FAR2: variants seen among roughly 807,000 people sequenced by gnomAD.
FAR2 encodes fatty acyl-CoA reductase 2.
Under a neutral mutation model 56.0 loss-of-function variants are expected in FAR2, and 19 were observed. The ratio of observed to expected loss-of-function variants is 0.34; its 90% CI spans 0.24 to 0.50. The LOEUF (loss-of-function observed/expected upper bound fraction) is 0.50. Among genes scored for constraint, FAR2 ranks in the 20% least tolerant of loss-of-function variants. The pLI is 0.98. For missense variants in FAR2, 508 were observed against 642.2 expected, an observed-to-expected ratio of 0.79 and a Z score of 2.26; for synonymous variants, 219 against 218.8, an observed-to-expected ratio of 1.00 and a Z score of -0.01.
chr12:29,197,344 C>A (rs913441438), intron 1 of FAR2, among the ~76,000 whole-genome samples: 1 of 152,120 alleles, frequency 6.6e-6, no homozygotes, highest in Non-Finnish European at 1.5e-5. Flanking sequence ...CTTACACTTA[C>A]AGGAATATGT....
At position 29,168,559 on chromosome 12, in the gene FAR2, T is replaced by A. The variant is rs182610540; in HGVS notation, c.-39+19152T>A. Among the ~76,000 whole-genome samples, 23 of 152,316 alleles carry A rather than the reference T, an allele frequency of 1.5e-4. No homozygotes were observed. The East Asian group carries it at 4.4e-3, about 29-fold the overall frequency. On this transcript the variant is annotated intron_variant, in intron 1 of 11. Transcript: ENST00000536681. Reference sequence around the variant, plus strand: ...TGGTTCCTTCCAGTGGGTTCTTGGTTTTGCTGACTTCAAGAATGAAGCCGC... The same window carrying A: ...TGGTTCCTTCCAGTGGGTTCTTGGTATTGCTGACTTCAAGAATGAAGCCGC...
At chr12:29,149,869 C>T (rs957613364) in intron 1 of FAR2, among the ~76,000 whole-genome samples, 6 of 152,140 alleles carry the variant, frequency 3.9e-5, no homozygotes, top group African/African-American at 1.4e-4. Flanking sequence ...GGCAGCGGTC[C>T]TAGGTCCCCT....
chr12:29,268,346 G>A (rs1948554420), intron 1 of FAR2, among the ~76,000 whole-genome samples: 1 of 152,208 alleles, frequency 6.6e-6, no homozygotes, highest in Non-Finnish European at 1.5e-5. Context: ...GCACTGTTTA[G>A]TTCAAAGCTC....
At chr12:29,282,292 A>C (rs7312068) in intron 2 of FAR2, 2 of 152,114 alleles carry the variant, frequency 1.3e-5, no homozygotes, top group Non-Finnish European at 2.9e-5. Flanking sequence ...AGCCAACTCT[A>C]CTTCTAAAAC....
chr12:29,288,350 T>G (rs954229842), intron 2 of FAR2, among the ~76,000 whole-genome samples: 1 of 152,154 alleles, frequency 6.6e-6, no homozygotes, highest in African/African-American at 2.4e-5. Context: ...TGCCATCAAG[T>G]AGAGAATATG....
At chr12:29,271,237 GA>G (rs897590353) in intron 2 of FAR2, among the ~76,000 whole-genome samples, 6 of 151,562 alleles carry the variant, frequency 4.0e-5, no homozygotes, top group Non-Finnish European at 5.9e-5. Flanking sequence ...TCTCCTCTCG[GA>G]AAAAAAAGAC....
chr12:29,311,814 T>TTTTC, intron 7 of FAR2, 69 bp from the exon 8 acceptor site: 1 of 1,143,772 alleles, frequency 8.7e-7, no homozygotes, highest in Non-Finnish European at 1.3e-6. Context: ...TAAATATTAT[T>TTTTC]TTTCCTTATT....
At chr12:29,211,254 G>C (rs550496880) in intron 1 of FAR2, among the ~76,000 whole-genome samples, 2 of 152,190 alleles carry the variant, frequency 1.3e-5, no homozygotes, top group East Asian at 3.9e-4. Context: ...TCACGCCACT[G>C]CACTCCGGCC....
At chr12:29,314,178 A>C (rs1176099588) in intron 8 of FAR2, among the ~76,000 whole-genome samples, 1 of 152,210 alleles carries the variant, frequency 6.6e-6, no homozygotes, top group East Asian at 1.9e-4. Flanking sequence ...TGTCCTTCAG[A>C]TCAGAAAGAC....
At chr12:29,155,595 G>GA (rs1006464561) in intron 1 of FAR2, among the ~76,000 whole-genome samples, 3 of 152,148 alleles carry the variant, frequency 2.0e-5, no homozygotes, top group South Asian at 2.1e-4. Flanking sequence ...TTAAAACTTA[G>GA]AAAAAATCAA....
chr12:29,207,807 A>T (rs1947492969), intron 1 of FAR2, among the ~76,000 whole-genome samples: 1 of 152,214 alleles, frequency 6.6e-6, no homozygotes, highest in Non-Finnish European at 1.5e-5. Context: ...TGCAGATAAA[A>T]TTCTGTTAGA....
At chr12:29,322,195 T>C (rs1210841102) in intron 10 of FAR2, among the ~76,000 whole-genome samples, 1 of 152,230 alleles carries the variant, frequency 6.6e-6, no homozygotes, top group African/African-American at 2.4e-5. Context: ...TCAATCGTTT[T>C]GTCACTCCTT....
At chr12:29,167,095 G>A (rs148992212) in intron 1 of FAR2, among the ~76,000 whole-genome samples, 4 of 152,084 alleles carry the variant, frequency 2.6e-5, no homozygotes, top group South Asian at 2.1e-4. Flanking sequence ...GCAGTCAGGC[G>A]TTGCTGGAGA....
chr12:29,267,883 A>ATGATC (rs1450862915), intron 1 of FAR2, among the ~76,000 whole-genome samples: 5 of 152,208 alleles, frequency 3.3e-5, no homozygotes, highest in African/African-American at 4.8e-5. Flanking sequence ...GCAGCAGTCT[A>ATGATC]TGATCTTGTT....
intron 1 of FAR2, among the ~76,000 whole-genome samples, chr12:29,197,206 A>T (rs994669353): frequency 1.3e-5 from 2 of 152,202 alleles, no homozygotes; most frequent in African/African-American, 4.8e-5. Flanking sequence ...TTTGTTTCAT[A>T]AGCTACTTAG....
At chr12:29,271,326 A>C (rs1175461720) in intron 2 of FAR2, among the ~76,000 whole-genome samples, 3 of 152,228 alleles carry the variant, frequency 2.0e-5, no homozygotes, top group African/African-American at 7.2e-5. Context: ...ATCTGGGTTC[A>C]AATTCTGGCT....
intron 1 of FAR2, among the ~76,000 whole-genome samples, chr12:29,150,228 G>A (rs1407962333): frequency 6.6e-6 from 1 of 152,188 alleles, no homozygotes; most frequent in Non-Finnish European, 1.5e-5. Context: ...ATGCCCAATC[G>A]TATCCTACAA....
intron 2 of FAR2, among the ~76,000 whole-genome samples, chr12:29,275,564 T>G (rs1948696041): frequency 6.6e-6 from 1 of 152,130 alleles, no homozygotes. Context: ...GTTGAACTAG[T>G]TTACAGTCCC....
At chr12:29,165,623 G>A (rs1176230901) in intron 1 of FAR2, among the ~76,000 whole-genome samples, 2 of 152,204 alleles carry the variant, frequency 1.3e-5, no homozygotes, top group South Asian at 4.1e-4. Flanking sequence ...ATTAAAAGTA[G>A]CATCATATTT....
Sources: gnomAD v4.1 joint callset for allele counts (sites outside exome capture counted in the v4.1 genomes callset) on GRCh38, gnomAD v4.1.1 for gene constraint, MANE v1.5 for transcripts, NCBI Gene and HGNC (gene_info 2026-07-23, HGNC 2026-07-21) for gene names.